Variants in ALCAM observed in about 807,000 individuals in gnomAD.
ALCAM encodes the protein activated leukocyte cell adhesion molecule.
ALCAM carries 30 observed loss-of-function variants against 70.9 expected under a neutral mutation model. The ratio of observed to expected loss-of-function variants is 0.42; its 90% confidence interval spans 0.32 to 0.57. ALCAM has a LOEUF of 0.57. Among genes scored for constraint, ALCAM ranks in the 20% least tolerant of loss-of-function variants. ALCAM has a pLI of 0.11. For missense variants in ALCAM, 591 were observed against 695.1 expected (o/e 0.85, Z 1.68); for synonymous variants, 249 against 242.5 (o/e 1.03, Z -0.25).
In ALCAM at chr3:105,407,855, C is replaced by T. The variant is rs536174729; in HGVS notation, c.73+40374C>T. Among the ~76,000 whole-genome samples, 7 of 152,206 alleles carry T rather than the reference C, an allele frequency of 4.6e-5. No individual in the cohort carries two copies. In the East Asian group the frequency reaches 1.4e-3, roughly 29 times the overall value. ...TCCTAGAACTGGTAAATGAATTCAG[C>T]AAAGTTTCAGGACACAAAATTAATG... is the stretch of plus-strand genomic sequence containing the variant. On this transcript the variant is annotated intron_variant, in intron 1 of 15. Coordinates refer to ENST00000306107, the MANE Select transcript of ALCAM (RefSeq NM_001627.4).
chr3:105,422,637 G>T (rs1230924471), intron 1 of ALCAM, among the ~76,000 whole-genome samples: 4 of 151,314 alleles, frequency 2.6e-5, no homozygotes, highest in Admixed American at 2.0e-4. Flanking sequence ...TGTCATTATG[G>T]TACAGTATTG....
chr3:105,400,124 G>A (rs73177494), intron 1 of ALCAM, among the ~76,000 whole-genome samples: 22,783 of 152,132 alleles, frequency 0.15, 1,814 homozygotes, highest in Middle Eastern at 0.19. Context: ...TGTTAAGGCT[G>A]ATAAAAGGGC....
At chr3:105,390,310 C>T (rs544281402) in intron 1 of ALCAM, among the ~76,000 whole-genome samples, 9 of 152,160 alleles carry the variant, frequency 5.9e-5, no homozygotes, top group Admixed American at 2.6e-4. Context: ...GAAATGGTAT[C>T]TCATTGTGGT....
intron 1 of ALCAM, among the ~76,000 whole-genome samples, chr3:105,420,081 A>G (rs950956344): frequency 2.0e-5 from 3 of 151,804 alleles, no homozygotes; most frequent in Non-Finnish European, 4.4e-5. Flanking sequence ...ATGTTACTTC[A>G]TATTTTAAAG....
chr3:105,394,337 G>T (rs1451388424), intron 1 of ALCAM, among the ~76,000 whole-genome samples: 1 of 151,952 alleles, frequency 6.6e-6, no homozygotes, highest in African/African-American at 2.4e-5. Context: ...ACATGCGAGG[G>T]ATGAGGGAAG....
At position 105,547,293 on chromosome 3, in the gene ALCAM, A is replaced by G. The variant is rs1940272822; in HGVS notation, c.1240+9A>G. ...GACTCTCATTGTAGAAGGTAATAAA[A>G]TACTTGGGCACTAATTCAAATTGTT... On this transcript the variant is annotated intron_variant, in intron 10 of 15. Coordinates refer to ENST00000306107, the MANE Select transcript of ALCAM (RefSeq NM_001627.4). 6 of 1,585,526 alleles carry G rather than the reference A, an allele frequency of 3.8e-6. No individual in the cohort carries two copies. The African/African-American group carries it at 4.1e-5, about 11-fold the overall frequency.
chr3:105,564,258 G>A (rs1940695998), intron 14 of ALCAM, among the ~76,000 whole-genome samples: 1 of 152,186 alleles, frequency 6.6e-6, no homozygotes, highest in Non-Finnish European at 1.5e-5. Context: ...CACATGTAAT[G>A]TAAGAAGGTA....
Position 105,367,456 on chromosome 3 carries a change from G to A in ALCAM, c.48G>A (p.Leu16=). 6.2e-7 allele frequency: 1 copy of A among 1,614,032 alleles called. No homozygotes were observed. The highest frequency in any genetic ancestry group is 1.3e-5 in the African/African-American group (1 of 75,034). Residue 16 remains leucine, a synonymous_variant, in exon 1 of 16, where the codon TTG becomes TTA. Transcript: ENST00000306107. ...ASSCRLLFCL[L]ISATVFRPGL... The stretch of plus-strand genomic sequence containing the variant: ...CCTGCCGTCTGCTCTTCTGCCTCTT[G>A]ATCTCCGCCACCGTCTTCAGGCCAG...
At chr3:105,481,381 C>T (rs1938268522) in intron 1 of ALCAM, among the ~76,000 whole-genome samples, 1 of 152,060 alleles carries the variant, frequency 6.6e-6, no homozygotes, top group Non-Finnish European at 1.5e-5. Context: ...ATTTGTCTTC[C>T]TATACTGGAA....
intron 3 of ALCAM, among the ~76,000 whole-genome samples, chr3:105,527,267 G>A (rs980603826): frequency 1.3e-5 from 2 of 152,146 alleles, no homozygotes; most frequent in Admixed American, 1.3e-4. Context: ...TGTGAAAAAG[G>A]TCTAGAAGTC....
intron 1 of ALCAM, among the ~76,000 whole-genome samples, chr3:105,514,443 A>G (rs1939326848): frequency 1.3e-5 from 2 of 151,908 alleles, no homozygotes; most frequent in South Asian, 4.1e-4. Context: ...AGAATAACAA[A>G]CTATCAGGCT....
chr3:105,501,608 T>A (rs968822174), intron 1 of ALCAM, among the ~76,000 whole-genome samples: 1 of 152,154 alleles, frequency 6.6e-6, no homozygotes, highest in Admixed American at 6.5e-5. Flanking sequence ...AATATCTGAG[T>A]GATCTTGAAT....
intron 1 of ALCAM, among the ~76,000 whole-genome samples, chr3:105,479,890 G>A (rs1373566285): frequency 6.6e-6 from 1 of 151,840 alleles, no homozygotes; most frequent in Non-Finnish European, 1.5e-5. Context: ...TTATACTATG[G>A]GAATTCAATT....
At position 105,547,169 on chromosome 3, in the gene ALCAM, T is replaced by C. The variant is rs772245041; in HGVS notation, c.1125T>C (p.Ser375=). The change falls in exon 10 of 16, where the codon TCT becomes TCC. Residue 375 remains serine, a synonymous_variant. Transcript: ENST00000306107. ...ATCAGGATAACATCAGGCTTCGATC[T>C]AGCCCGTCATTTTCTAGTCTTCATT... ...VWMKDNIRLR[S]SPSFSSLHYQ... 2.1e-5 allele frequency: 34 copies of C among 1,597,740 alleles called. No individual in the cohort carries two copies. The highest frequency in any genetic ancestry group is 8.1e-5 in the African/African-American group (6 of 73,662).
chr3:105,492,497 CA>C (rs1938614220), intron 1 of ALCAM, among the ~76,000 whole-genome samples: 1 of 152,104 alleles, frequency 6.6e-6, no homozygotes, highest in Middle Eastern at 3.4e-3. Context: ...GCATAATTGC[CA>C]AAAAATGTAA....
At chr3:105,446,927 T>A (rs1250151622) in intron 1 of ALCAM, among the ~76,000 whole-genome samples, 1 of 152,050 alleles carries the variant, frequency 6.6e-6, no homozygotes, top group East Asian at 1.9e-4. Flanking sequence ...GAAGAATAGG[T>A]TCTGGTGTTC....
chr3:105,539,868 T>A, intron 6 of ALCAM, 107 bp from the exon 7 acceptor site: 1 of 1,181,082 alleles, frequency 8.5e-7, no homozygotes, highest in Non-Finnish European at 1.2e-6. Context: ...CAATTACCAT[T>A]ACTAGCTTCT....
intron 2 of ALCAM, among the ~76,000 whole-genome samples, chr3:105,523,449 A>C (rs1576219846): frequency 6.6e-6 from 1 of 152,226 alleles, no homozygotes; most frequent in Non-Finnish European, 1.5e-5. Context: ...ATAGAATCCT[A>C]AAATTTGTCA....
chr3:105,464,560 G>A (rs1303273839), intron 1 of ALCAM, among the ~76,000 whole-genome samples: 2 of 151,198 alleles, frequency 1.3e-5, no homozygotes, highest in Non-Finnish European at 3.0e-5. Flanking sequence ...GGGGGCTCTT[G>A]AAATAATGTA....
Sources: allele counts gnomAD v4.1 joint callset (sites outside exome capture counted in the v4.1 genomes callset), GRCh38; gene constraint gnomAD v4.1.1; transcripts MANE v1.5; gene names NCBI Gene and HGNC (gene_info 2026-07-23, HGNC 2026-07-21).